Variants in EPS8 observed in about 807,000 individuals in gnomAD.
EPS8 encodes the protein EGFR pathway substrate 8, signaling adaptor.
EPS8 carries 42 observed loss-of-function variants against 103.8 expected under a neutral mutation model. The ratio of observed to expected loss-of-function variants is 0.40; its 90% CI spans 0.32 to 0.52. The LOEUF (loss-of-function observed/expected upper bound fraction) is 0.52, where lower values mean the gene tolerates loss of function less well. Among genes scored for constraint, EPS8 ranks in the 20% least tolerant of loss-of-function variants. The pLI, the probability that EPS8 is intolerant of heterozygous loss-of-function variation, is 0.40. For synonymous variants in EPS8, 344 were observed against 344.6 expected (o/e 1.00, Z 0.02); for missense variants, 969 against 1,005.1 (o/e 0.96, Z 0.49).
chr12:15,718,762 A>G (rs1180820997), intron 1 of EPS8, among the ~76,000 whole-genome samples: 1 of 151,990 alleles, frequency 6.6e-6, no homozygotes, highest in Non-Finnish European at 1.5e-5. Flanking sequence ...TAAACCTACA[A>G]TGTCCTCAAA....
intron 1 of EPS8, among the ~76,000 whole-genome samples, chr12:15,744,482 A>G (rs574074704): frequency 6.6e-6 from 1 of 152,378 alleles, no homozygotes; most frequent in African/African-American, 2.4e-5. Flanking sequence ...CTTCCAGCTA[A>G]TATTTGCTGC....
chr12:15,709,226 A>G (rs1277607248), intron 1 of EPS8, among the ~76,000 whole-genome samples: 1 of 152,242 alleles, frequency 6.6e-6, no homozygotes, highest in Non-Finnish European at 1.5e-5. Context: ...TAATTCAATC[A>G]GTTAAACTCA....
chr12:15,664,555 C>G (rs1945674779), intron 8 of EPS8, among the ~76,000 whole-genome samples: 4 of 152,184 alleles, frequency 2.6e-5, no homozygotes, highest in Admixed American at 6.5e-5. Flanking sequence ...GACCGAAGTA[C>G]AGAGAGATAA....
In EPS8 at chr12:15,623,302, A is replaced by G. The variant is rs1443234087; in HGVS notation, c.2226-15T>C. 7 of 1,552,280 alleles carry G rather than the reference A, an allele frequency of 4.5e-6. No homozygotes were observed. In the East Asian group the frequency reaches 6.8e-5, roughly 15 times the overall value. On this transcript the variant is annotated splice_polypyrimidine_tract_variant and intron_variant, in intron 19 of 20. Transcript: ENST00000281172. ...TATTGACAGTCCTAAAAAAAAAAAA[A>G]GGAAAAAGAAACTGAGCATTAAAAA...
intron 1 of EPS8, among the ~76,000 whole-genome samples, chr12:15,715,397 T>TTC (rs1555121460): frequency 1.3e-4 from 18 of 142,620 alleles, no homozygotes; most frequent in Admixed American, 2.1e-4. Flanking sequence ...TACTTTTCTT[T>TTC]TTTTTTTTTT....
intron 1 of EPS8, among the ~76,000 whole-genome samples, chr12:15,766,871 A>G (rs1947104413): frequency 6.6e-6 from 1 of 152,188 alleles, no homozygotes; most frequent in Non-Finnish European, 1.5e-5. Flanking sequence ...AGTCATTACT[A>G]CCAAAAGGAA....
rs1339735594 is a variant in EPS8 at position 15,623,195 on chromosome 12, ACT to A, written c.2316_2317del (p.Arg772SerfsTer3). The A allele has an allele frequency of 6.2e-7, 1 of 1,612,550 alleles. No homozygotes were observed. The highest frequency in any genetic ancestry group is 1.3e-5 in the African/African-American group (1 of 74,664). ...TTTTTGTACAGTGATTTGGCTATAG[ACT>A]CTCGCCCCTTCAGGGCAGACTGTCC... On this transcript the variant is annotated frameshift_variant, in exon 20 of 21. Transcript: ENST00000281172. LOFTEE classifies it high-confidence loss of function.
chr12:15,768,877 G>C (rs575437527), intron 1 of EPS8, among the ~76,000 whole-genome samples: 2 of 152,124 alleles, frequency 1.3e-5, no homozygotes, highest in East Asian at 3.8e-4. Flanking sequence ...CACACCTTTT[G>C]ATTCAAAAAG....
At position 15,777,465 on chromosome 12, in the gene EPS8, T is replaced by C. The variant is rs1266918246; in HGVS notation, c.-22+11696A>G. On this transcript the variant is annotated intron_variant, in intron 1 of 20. Transcript: ENST00000281172. The surrounding 1 kb of genome is among the most constrained non-coding windows in gnomAD (Gnocchi z 4.7). ...TTTCACTCTTTTCATAATGAGATTT[T>C]ACTATTTCCAAAATCACTTACTTAG... Among the ~76,000 whole-genome samples, 1 of 152,204 alleles carries C rather than the reference T, an allele frequency of 6.6e-6. No homozygotes were observed. The highest frequency in any genetic ancestry group is 1.5e-5 in the Non-Finnish European group (1 of 68,036).
At chr12:15,729,501 C>T (rs1946690252) in intron 1 of EPS8, among the ~76,000 whole-genome samples, 1 of 152,250 alleles carries the variant, frequency 6.6e-6, no homozygotes, top group East Asian at 1.9e-4. Context: ...TACCTCCAAG[C>T]TCACCGATTC....
chr12:15,636,917 G>C (rs1945144843), intron 17 of EPS8, among the ~76,000 whole-genome samples: 1 of 152,176 alleles, frequency 6.6e-6, no homozygotes, highest in African/African-American at 2.4e-5. Flanking sequence ...TTTTATCACA[G>C]TATAATGCAA....
intron 1 of EPS8, among the ~76,000 whole-genome samples, chr12:15,726,340 C>G (rs1194078575): frequency 2.0e-5 from 3 of 151,878 alleles, no homozygotes; most frequent in African/African-American, 7.3e-5. Context: ...TCAGACTCAT[C>G]TGTGGGATAT....
intron 6 of EPS8, 62 bp from the exon 7 acceptor site, chr12:15,666,584 TA>T: frequency 8.5e-7 from 1 of 1,181,720 alleles, no homozygotes; most frequent in Non-Finnish European, 1.3e-6. Flanking sequence ...ATATGTAGTT[TA>T]AAACAGAAAA....
intron 1 of EPS8, among the ~76,000 whole-genome samples, chr12:15,689,292 G>A (rs183711772): frequency 3.9e-5 from 6 of 152,140 alleles, no homozygotes; most frequent in African/African-American, 1.4e-4. Flanking sequence ...TTTTTGGAAA[G>A]GAAGAGTATT....
chr12:15,768,855 T>A (rs1448323795), intron 1 of EPS8, among the ~76,000 whole-genome samples: 1 of 152,208 alleles, frequency 6.6e-6, no homozygotes, highest in Non-Finnish European at 1.5e-5. Context: ...CTCTGCAGAT[T>A]CTCCAGGTTT....
At position 15,690,901 on chromosome 12, in the gene EPS8, G is replaced by T. The variant is rs534381731; in HGVS notation, c.-21-7929C>A. Among the ~76,000 whole-genome samples, 1 of 152,108 alleles carries T rather than the reference G, an allele frequency of 6.6e-6. No homozygotes were observed. The highest frequency in any genetic ancestry group is 1.9e-4 in the East Asian group (1 of 5,174). ...AGAATAGAGGCAGTCCTAATAGGCT[G>T]CTAGAAAGTGATGCAATAAAGAAGA... On this transcript the variant is annotated intron_variant, in intron 1 of 20. Coordinates refer to ENST00000281172, the MANE Select transcript of EPS8 (RefSeq NM_004447.6). The surrounding 1 kb of genome is among the most constrained non-coding windows in gnomAD (Gnocchi z 4.7).
rs1179004468 is a variant in EPS8, at chr12:15,780,386, C to A, written c.-22+8775G>T. Among the ~76,000 whole-genome samples, 1 of 151,682 alleles carries A rather than the reference C, an allele frequency of 6.6e-6. No individual in the cohort carries two copies. The highest frequency in any genetic ancestry group is 1.5e-5 in the Non-Finnish European group (1 of 67,948). On this transcript the variant is annotated intron_variant, in intron 1 of 20. Transcript: ENST00000281172. This position sits in a 1 kb window ranked among gnomAD's most constrained non-coding sequence, Gnocchi z 4.1. ...AGCGTCTCGCTTTGCCTCAAAAATTCATTCTATGAGACTCAAACATCACCT... is the reference window on the plus strand; with the variant it reads ...AGCGTCTCGCTTTGCCTCAAAAATTAATTCTATGAGACTCAAACATCACCT...
intron 20 of EPS8, among the ~76,000 whole-genome samples, chr12:15,622,368 G>C (rs900195000): frequency 6.6e-6 from 1 of 152,114 alleles, no homozygotes; most frequent in African/African-American, 2.4e-5. Context: ...TGGCTACGGG[G>C]TGATACGCAT....
chr12:15,630,984 G>T (rs1232533671), intron 18 of EPS8, among the ~76,000 whole-genome samples: 2 of 152,160 alleles, frequency 1.3e-5, no homozygotes, highest in African/African-American at 2.4e-5. Flanking sequence ...TGGAGAAGAA[G>T]ACAAAATCGC....
Sources: gnomAD v4.1 joint callset for allele counts (sites outside exome capture counted in the v4.1 genomes callset) on GRCh38, gnomAD v4.1.1 for gene constraint, Gnocchi (gnomAD v3.1) non-coding constraint, MANE v1.5 for transcripts, NCBI Gene and HGNC (gene_info 2026-07-23, HGNC 2026-07-21) for gene names.